MYO1E: variants seen among roughly 807,000 people sequenced by gnomAD.
MYO1E encodes the protein unconventional myosin-Ie.
Under a neutral mutation model 151.1 loss-of-function variants are expected in MYO1E, and 68 were observed. The observed-to-expected ratio is 0.45, with a 90% CI of 0.37 to 0.55. The LOEUF is 0.55. Among genes scored for constraint, MYO1E ranks in the 20% least tolerant of loss-of-function variants. The pLI, the probability that MYO1E is intolerant of heterozygous loss-of-function variation, is 0.00. For synonymous variants in MYO1E, 601 were observed against 501.7 expected (o/e 1.20, Z -2.64); for missense variants, 1,363 against 1,389.3 (o/e 0.98, Z 0.30).
At chr15:59,251,796 T>C (rs1055217884) in intron 4 of MYO1E, among the ~76,000 whole-genome samples, 3 of 152,194 alleles carry the variant, frequency 2.0e-5, no homozygotes, top group African/African-American at 7.2e-5. Context: ...ACAACTGAAA[T>C]TGTAAATGAA....
chr15:59,186,608 G>T (rs774529918), intron 18 of MYO1E, among the ~76,000 whole-genome samples: 40 of 152,102 alleles, frequency 2.6e-4, no homozygotes, highest in Non-Finnish European at 4.3e-4. Flanking sequence ...AAAGTCATCT[G>T]GGCATGGTGA....
intron 4 of MYO1E, among the ~76,000 whole-genome samples, chr15:59,240,006 T>C (rs1381071639): frequency 6.6e-6 from 1 of 152,266 alleles, no homozygotes; most frequent in Non-Finnish European, 1.5e-5. Context: ...TTATTTACTT[T>C]GCATCTCACA....
chr15:59,267,765 T>G, intron 2 of MYO1E, among the ~76,000 whole-genome samples: 1 of 152,212 alleles, frequency 6.6e-6, no homozygotes, highest in African/African-American at 2.4e-5. Flanking sequence ...CTATGCACAA[T>G]AGACAACACT....
rs116931491 is a variant in MYO1E, at chr15:59,322,273, C to A, written c.4-49824G>T. On this transcript the variant is annotated intron_variant, in intron 1 of 27. Transcript: ENST00000288235. ...CAGTACCCCAAACCTCAGCATCACG[C>A]AATATACCCAAGTAACAAATCTGCA... Among the ~76,000 whole-genome samples the A allele has an allele frequency of 1.0e-3, 157 of 152,080 alleles. 3 individuals carry two copies. In the East Asian group the frequency reaches 0.029, roughly 28 times the overall value.
chr15:59,236,680 A>C lies in MYO1E; in HGVS notation c.333-8T>G, dbSNP rs746130431. ...CCAGCACCACTTTCACCACTAAAGA[A>C]AGACAGACAAAGAATCCACCTGAGA... On this transcript the variant is annotated splice_region_variant and splice_polypyrimidine_tract_variant and intron_variant, in intron 4 of 27. Coordinates refer to ENST00000288235, the MANE Select transcript of MYO1E (RefSeq NM_004998.4). The C allele has an allele frequency of 2.5e-6, 4 of 1,604,424 alleles. No individual in the cohort carries two copies. The highest frequency in any genetic ancestry group is 2.2e-5 in the South Asian group (2 of 90,858).
chr15:59,272,252 C>T (rs1216614814), intron 2 of MYO1E, 54 bp downstream of exon 2: 2 of 1,596,242 alleles, frequency 1.3e-6, no homozygotes, highest in East Asian at 4.5e-5. Context: ...CACAATTTAA[C>T]TGTGGACACT....
Position 59,153,693 on chromosome 15 carries a change from C to A in MYO1E, c.2977G>T (p.Ala993Ser), listed in dbSNP as rs1233777161. 6.2e-7 allele frequency: 1 copy of A among 1,614,136 alleles called. No individual in the cohort carries two copies. The highest frequency in any genetic ancestry group is 1.1e-5 in the South Asian group (1 of 91,074). The stretch of plus-strand genomic sequence containing the variant: ...TGCTGCCGAGGCAAGGGCGGGCGGG[C>A]CATGGAGGTGTACAGGCTTTTCTGA... The part of the protein sequence containing the change: ...SNQKSLYTSM[A>S]RPPLPRQQST... The change falls in exon 26 of 28, where the codon GCC becomes TCC. Residue 993 changes from alanine (A) to serine (S), a missense_variant. Coordinates refer to ENST00000288235, the MANE Select transcript of MYO1E (RefSeq NM_004998.4).
chr15:59,198,268 C>T (rs866829470), intron 16 of MYO1E, among the ~76,000 whole-genome samples: 1 of 152,156 alleles, frequency 6.6e-6, no homozygotes, highest in South Asian at 2.1e-4. Flanking sequence ...AGAAAAGTAC[C>T]AACAGCACTT....
rs370031285 is a variant in MYO1E, at chr15:59,366,481, C to A, written c.3+6017G>T. 2.6e-5 allele frequency among the ~76,000 whole-genome samples: 4 copies of A among 152,070 alleles called. No homozygotes were observed. The East Asian group carries it at 5.8e-4, about 22-fold the overall frequency. On this transcript the variant is annotated intron_variant, in intron 1 of 27. Transcript: ENST00000288235. ...TTTTAAAATTTTTTTTGGTAAAGGC[C>A]TGAACGACCACACCCGGCAAAAAAA...
At chr15:59,212,281 G>A (rs1415341889) in intron 12 of MYO1E, among the ~76,000 whole-genome samples, 1 of 152,026 alleles carries the variant, frequency 6.6e-6, no homozygotes, top group East Asian at 1.9e-4. Flanking sequence ...GGCAATGGGA[G>A]CAATGGGTTT....
intron 1 of MYO1E, among the ~76,000 whole-genome samples, chr15:59,293,781 G>A (rs781548799): frequency 2.6e-5 from 4 of 152,070 alleles, no homozygotes; most frequent in East Asian, 1.9e-4. Context: ...GGTGGCTCAC[G>A]CCTGTAATCC....
chr15:59,347,905 G>C (rs750035537), intron 1 of MYO1E, among the ~76,000 whole-genome samples: 18 of 152,166 alleles, frequency 1.2e-4, no homozygotes, highest in Non-Finnish European at 2.4e-4. Flanking sequence ...GGTTAAGGAA[G>C]ACAATCTAGG....
intron 24 of MYO1E, among the ~76,000 whole-genome samples, chr15:59,160,701 G>A (rs2079533216): frequency 6.6e-6 from 1 of 152,070 alleles, no homozygotes; most frequent in East Asian, 1.9e-4. Flanking sequence ...TTATAGGTGT[G>A]AGCCACCACG....
rs2079361183 is a variant in MYO1E, at chr15:59,134,501, C to G, written c.*2879G>C. The G allele has an allele frequency of 6.6e-6, 1 of 152,218 alleles. No homozygotes were observed. Among genetic ancestry groups the G allele is most frequent in the African/African-American group, 2.4e-5 (1 of 41,426 alleles). 9.4% of individuals were successfully genotyped at this position (152,218 alleles called of 1,614,324 possible). ...TCCCAGGAGTTTCAGATCAGCCTCT[C>G]TCTGTCTCACAGACGGCCATCAGTA... On this transcript the variant is annotated 3_prime_UTR_variant, in exon 28 of 28. Transcript: ENST00000288235.
At chr15:59,315,725 T>C (rs527712582) in intron 1 of MYO1E, among the ~76,000 whole-genome samples, 76 of 152,306 alleles carry the variant, frequency 5.0e-4, no homozygotes, top group African/African-American at 1.7e-3. Flanking sequence ...TTAGTTAAAA[T>C]GATCACATTA....
At chr15:59,175,998 G>C (rs2079622448) in intron 19 of MYO1E, among the ~76,000 whole-genome samples, 1 of 152,172 alleles carries the variant, frequency 6.6e-6, no homozygotes, top group Non-Finnish European at 1.5e-5. Flanking sequence ...AAAGCCAAAA[G>C]ACATGGATAC....
At chr15:59,247,739 T>A (rs1388304487) in intron 4 of MYO1E, among the ~76,000 whole-genome samples, 1 of 152,066 alleles carries the variant, frequency 6.6e-6, no homozygotes, top group African/African-American at 2.4e-5. Context: ...TGAAACAGAA[T>A]CTCTGGAGGT....
intron 10 of MYO1E, among the ~76,000 whole-genome samples, chr15:59,217,285 C>T (rs2079924674): frequency 2.0e-5 from 3 of 152,074 alleles, no homozygotes; most frequent in Non-Finnish European, 4.4e-5. Context: ...GTCCAAAAGT[C>T]AAGAAAGGCC....
intron 1 of MYO1E, among the ~76,000 whole-genome samples, chr15:59,301,900 G>C (rs2080484898): frequency 6.6e-6 from 1 of 151,808 alleles, no homozygotes; most frequent in Non-Finnish European, 1.5e-5. Context: ...GAGATCATCT[G>C]TGATACTACT....
Sources: gnomAD v4.1 joint callset for allele counts (sites outside exome capture counted in the v4.1 genomes callset) on GRCh38, gnomAD v4.1.1 for gene constraint, MANE v1.5 for transcripts, NCBI Gene and HGNC (gene_info 2026-07-23, HGNC 2026-07-21) for gene names.